Variants in DLG2 observed in about 807,000 individuals in gnomAD.
DLG2 encodes disks large homolog 2.
Under a neutral mutation model 132.5 loss-of-function variants are expected in DLG2, and 45 were observed. The ratio of observed to expected loss-of-function variants is 0.34; its 90% confidence interval spans 0.27 to 0.44. The LOEUF is 0.44. Ranked by LOEUF, DLG2 falls within the 20% of genes least tolerant of loss-of-function variation. DLG2 has a pLI of 1.00. For synonymous variants in DLG2, 424 were observed against 419.6 expected, an observed-to-expected ratio of 1.01 and a Z score of -0.13; for missense variants, 1,045 against 1,196.9, an observed-to-expected ratio of 0.87 and a Z score of 1.87.
intron 18 of DLG2, among the ~76,000 whole-genome samples, chr11:83,765,878 T>C (rs183320948): frequency 6.6e-6 from 1 of 152,302 alleles, no homozygotes; most frequent in African/African-American, 2.4e-5. Context: ...ATAGTGATAG[T>C]GTATGTTTGT....
chr11:84,701,267 T>C (rs2059200149), intron 6 of DLG2, among the ~76,000 whole-genome samples: 1 of 151,662 alleles, frequency 6.6e-6, no homozygotes, highest in Non-Finnish European at 1.5e-5. Context: ...CATGTCTACC[T>C]GAATTTGAAT....
intron 6 of DLG2, among the ~76,000 whole-genome samples, chr11:84,846,636 T>C (rs1343385758): frequency 6.6e-6 from 1 of 152,138 alleles, no homozygotes; most frequent in Non-Finnish European, 1.5e-5. Context: ...GGTTTCCAAA[T>C]ATTGCCCCCA....
intron 21 of DLG2, among the ~76,000 whole-genome samples, chr11:83,525,675 G>A (rs1280850618): frequency 6.6e-6 from 1 of 152,114 alleles, no homozygotes; most frequent in African/African-American, 2.4e-5. Flanking sequence ...CAGCAGTATG[G>A]CTCTCCTTCC....
At chr11:84,633,601 T>C (rs537624142) in intron 6 of DLG2, among the ~76,000 whole-genome samples, 83 of 150,336 alleles carry the variant, frequency 5.5e-4, no homozygotes, top group Non-Finnish European at 1.1e-3. Flanking sequence ...TCTCACCGTG[T>C]ATTATGACTA....
At chr11:85,116,372 T>A (rs1053685056) in intron 5 of DLG2, among the ~76,000 whole-genome samples, 1 of 151,884 alleles carries the variant, frequency 6.6e-6, no homozygotes, top group Non-Finnish European at 1.5e-5. Flanking sequence ...CTCCAAATCA[T>A]CAATTTCATA....
chr11:84,537,403 G>T (rs2099358248), intron 6 of DLG2, among the ~76,000 whole-genome samples: 2 of 152,086 alleles, frequency 1.3e-5, no homozygotes, highest in African/African-American at 2.4e-5. Context: ...ACCGCACCCA[G>T]CCCTGAATTA....
At chr11:83,472,271 C>G (rs562986260) in intron 23 of DLG2, among the ~76,000 whole-genome samples, 115 of 152,278 alleles carry the variant, frequency 7.6e-4, no homozygotes, top group African/African-American at 2.3e-3. Context: ...TGAATTCTCT[C>G]TGCAGTATCC....
chr11:85,612,319 G>A (rs1442175847), intron 2 of DLG2, among the ~76,000 whole-genome samples: 2 of 152,184 alleles, frequency 1.3e-5, no homozygotes, highest in Non-Finnish European at 2.9e-5. Flanking sequence ...ATTATCATAC[G>A]AAGGTCTGAC....
chr11:85,427,646 C>A (rs1019272050), intron 3 of DLG2, among the ~76,000 whole-genome samples: 11 of 152,342 alleles, frequency 7.2e-5, no homozygotes, highest in South Asian at 2.1e-4. Context: ...TGGAAAGGAA[C>A]AACCGGTATC....
intron 4 of DLG2, among the ~76,000 whole-genome samples, chr11:85,155,942 C>T (rs2077560177): frequency 6.6e-6 from 1 of 152,106 alleles, no homozygotes; most frequent in African/African-American, 2.4e-5. Flanking sequence ...AGGACAGCTC[C>T]CAAATGGTTT....
chr11:85,348,739 C>A (rs969767788), intron 3 of DLG2, among the ~76,000 whole-genome samples: 2 of 152,066 alleles, frequency 1.3e-5, no homozygotes, highest in Non-Finnish European at 2.9e-5. Flanking sequence ...ATTCCAGATT[C>A]TTTTGTCTAC....
rs184475231 is a variant in DLG2, at chr11:84,828,088, A to G, written c.357+283573T>C. ...TGACATGGCGGTGGAAACGTTTGTAAAATTGAATGTCCAATAGCCATGCCA... is the reference window on the plus strand; with the variant it reads ...TGACATGGCGGTGGAAACGTTTGTAGAATTGAATGTCCAATAGCCATGCCA... On this transcript the variant is annotated intron_variant, in intron 6 of 27. Coordinates refer to ENST00000376104, the MANE Select transcript of DLG2 (RefSeq NM_001142699.3). 8.6e-5 allele frequency among the ~76,000 whole-genome samples: 13 copies of G among 151,380 alleles called. No individual in the cohort carries two copies. The East Asian group carries it at 2.5e-3, about 30-fold the overall frequency.
rs79053680 is a variant in DLG2 at position 83,855,073 on chromosome 11, G to A, written c.1565+19347C>T. The stretch of plus-strand genomic sequence containing the variant: ...ATGACAAATAAGCACATGAAAAGAC[G>A]CCTCACATCATATATCATCAGAGAA... On this transcript the variant is annotated intron_variant, in intron 16 of 27. Transcript: ENST00000376104. Among the ~76,000 whole-genome samples the A allele has an allele frequency of 4.3e-3, 660 of 152,162 alleles. 5 individuals carry two copies. Among genetic ancestry groups the A allele is most frequent in the Non-Finnish European group, 7.3e-3 (495 of 67,994 alleles).
chr11:85,114,678 T>C (rs1161317179), intron 5 of DLG2, among the ~76,000 whole-genome samples: 1 of 151,978 alleles, frequency 6.6e-6, no homozygotes, highest in Non-Finnish European at 1.5e-5. Flanking sequence ...CATATTTCAT[T>C]CCAGAATATT....
intron 8 of DLG2, among the ~76,000 whole-genome samples, chr11:84,228,400 T>C (rs1034748577): frequency 2.0e-5 from 3 of 152,200 alleles, no homozygotes; most frequent in Non-Finnish European, 4.4e-5. Flanking sequence ...TGCTCAATTG[T>C]TAGTTATTAT....
intron 7 of DLG2, among the ~76,000 whole-genome samples, chr11:84,365,239 G>A (rs1326946861): frequency 6.6e-6 from 1 of 152,066 alleles, no homozygotes; most frequent in East Asian, 1.9e-4. Flanking sequence ...GTTTAGTCTT[G>A]GGAGAGTGTA....
intron 3 of DLG2, among the ~76,000 whole-genome samples, chr11:85,492,900 T>A (rs954104499): frequency 3.3e-5 from 5 of 152,072 alleles, no homozygotes; most frequent in African/African-American, 1.2e-4. Context: ...TGCCTTTACA[T>A]GCCCTAAATT....
intron 7 of DLG2, among the ~76,000 whole-genome samples, chr11:84,394,775 G>A (rs191162586): frequency 1.1e-3 from 166 of 151,920 alleles, no homozygotes; most frequent in African/African-American, 3.7e-3. Context: ...GTGTGCACCA[G>A]CACGCCCAGC....
chr11:85,206,046 G>A (rs1565156716), intron 4 of DLG2, among the ~76,000 whole-genome samples: 2 of 152,082 alleles, frequency 1.3e-5, no homozygotes, highest in African/African-American at 2.4e-5. Context: ...ATTTGATCAT[G>A]GGGGGCAGAT....
Sources: allele counts gnomAD v4.1 joint callset (sites outside exome capture counted in the v4.1 genomes callset), GRCh38; gene constraint gnomAD v4.1.1; transcripts MANE v1.5; gene names NCBI Gene and HGNC (gene_info 2026-07-23, HGNC 2026-07-21).